The following VPS36 variants were observed in gnomAD, a reference collection of about 807,000 sequenced individuals.
VPS36 encodes the protein vacuolar protein sorting 36 homolog.
A neutral mutation model predicts 63.5 loss-of-function variants in VPS36; 31 were observed. That is an observed-to-expected ratio of 0.49 (90% confidence interval 0.37 to 0.66). The LOEUF (loss-of-function observed/expected upper bound fraction) is 0.66. VPS36 is among the 30% of genes least tolerant of loss of function. The probability of loss-of-function intolerance (pLI) is 0.00; values close to 1 mark genes in which losing one functional copy is unlikely to be tolerated. For missense variants in VPS36, 338 were observed against 463.7 expected, an observed-to-expected ratio of 0.73 and a Z score of 2.49; for synonymous variants, 138 against 157.2, an observed-to-expected ratio of 0.88 and a Z score of 0.91.
At position 52,444,889 on chromosome 13, in the gene VPS36, T is replaced by C. The variant is rs550384624; in HGVS notation, c.97-2444A>G. 1.1e-4 allele frequency among the ~76,000 whole-genome samples: 16 copies of C among 152,294 alleles called. No individual in the cohort carries two copies. The South Asian group carries it at 3.3e-3, about 32-fold the overall frequency. On this transcript the variant is annotated intron_variant, in intron 1 of 13. Transcript: ENST00000378060. ...ACTTCATGTAACTCTGAACTATATA[T>C]AAATCATTTTTTGTTAAATCAAGCA... is the stretch of plus-strand genomic sequence containing the variant.
intron 6 of VPS36, among the ~76,000 whole-genome samples, chr13:52,431,506 T>A (rs1958153797): frequency 1.3e-5 from 2 of 152,124 alleles, no homozygotes; most frequent in Non-Finnish European, 2.9e-5. Context: ...GGCTCATGCC[T>A]GTAATCCTAG....
At chr13:52,439,742 A>G (rs1594122408) in intron 2 of VPS36, among the ~76,000 whole-genome samples, 1 of 152,150 alleles carries the variant, frequency 6.6e-6, no homozygotes, top group East Asian at 1.9e-4. Context: ...CACCGCACCC[A>G]GCCACAATGG....
intron 1 of VPS36, 22 bp downstream of exon 1, chr13:52,450,477 G>A (rs534506363): frequency 6.3e-7 from 1 of 1,582,360 alleles, no homozygotes; most frequent in Non-Finnish European, 8.6e-7. Context: ...CAGCCCGTTG[G>A]GAAGGTTGGC....
At chr13:52,419,275 T>C (rs770675601) in intron 10 of VPS36, among the ~76,000 whole-genome samples, 4 of 152,220 alleles carry the variant, frequency 2.6e-5, no homozygotes, top group African/African-American at 7.2e-5. Context: ...AGCTGAAGAA[T>C]AGCCACTGCT....
At chr13:52,436,798 G>A (rs1226306827) in intron 3 of VPS36, among the ~76,000 whole-genome samples, 2 of 152,166 alleles carry the variant, frequency 1.3e-5, no homozygotes. Context: ...AAAACAAAAT[G>A]TGAAAACTTA....
intron 1 of VPS36, among the ~76,000 whole-genome samples, chr13:52,442,909 G>A (rs1031118562): frequency 4.6e-5 from 7 of 152,130 alleles, no homozygotes; most frequent in Admixed American, 4.6e-4. Flanking sequence ...GTGAGGAAAG[G>A]GGTAGAAGGG....
rs183312115 is a variant in VPS36 at position 52,417,008 on chromosome 13, G to A, written c.990+49C>T. On this transcript the variant is annotated intron_variant, in intron 12 of 13. Coordinates refer to ENST00000378060, the MANE Select transcript of VPS36 (RefSeq NM_016075.4). ...CTGTTTTTTGAGTTGCTAAGCCTTC[G>A]GGTCTTCATAGCAAGCTCTAAAGAC... The A allele has an allele frequency of 4.9e-4, 741 of 1,499,688 alleles. 5 individuals carry two copies. In the African/African-American group the frequency reaches 7.3e-3, roughly 15 times the overall value. 92.9% of individuals were successfully genotyped at this position (1,499,688 alleles called of 1,614,324 possible). A position where few individuals can be genotyped will look rare whatever the true frequency, so the allele number is the denominator to read the frequency against.
chr13:52,440,540 G>A (rs1459401130), intron 2 of VPS36, among the ~76,000 whole-genome samples: 1 of 151,972 alleles, frequency 6.6e-6, no homozygotes, highest in Non-Finnish European at 1.5e-5. Context: ...TGATCCGCCC[G>A]CCTCAGCCTC....
chr13:52,427,273 T>A, intron 6 of VPS36, 54 bp from the exon 7 acceptor site: 2 of 1,580,084 alleles, frequency 1.3e-6, no homozygotes, highest in Non-Finnish European at 1.7e-6. Flanking sequence ...TAAAATGACT[T>A]AAAAAAATGA....
intron 6 of VPS36, 25 bp downstream of exon 6, chr13:52,433,637 T>G (rs747827721): frequency 1.3e-6 from 2 of 1,569,096 alleles, no homozygotes; most frequent in Non-Finnish European, 1.8e-6. Flanking sequence ...CTGGAATAGA[T>G]GGAGAGCCAG....
intron 12 of VPS36, 23 bp downstream of exon 12, chr13:52,417,034 T>C (rs1476585668): frequency 6.2e-7 from 1 of 1,609,622 alleles, no homozygotes; most frequent in South Asian, 1.1e-5. Flanking sequence ...CTCTAAAGAC[T>C]GGAGAAAATC....
chr13:52,424,872 C>A (rs1958083194), intron 9 of VPS36, among the ~76,000 whole-genome samples: 1 of 151,846 alleles, frequency 6.6e-6, no homozygotes, highest in Admixed American at 6.6e-5. Flanking sequence ...CCTGTAATCC[C>A]AGCTACTCAG....
Position 52,442,443 on chromosome 13 carries a change from T to C in VPS36, c.99A>G (p.Ile33Met), listed in dbSNP as rs763285959. The change falls in exon 2 of 14, where the codon ATA (isoleucine) becomes ATG (methionine). Residue 33 changes from isoleucine to methionine, a missense_variant and splice_region_variant. Coordinates refer to ENST00000378060, the MANE Select transcript of VPS36 (RefSeq NM_016075.4). ...GAAGGAGAGTCCCAGCATCAAATTT[T>C]ATCTAGAAAGAAAGAGCATCACAAA... ...GVRIYDGEEK[I>M]KFDAGTLLLS... The C allele has an allele frequency of 6.2e-7, 1 of 1,610,190 alleles. No individual in the cohort carries two copies. The highest frequency in any genetic ancestry group is 8.5e-7 in the Non-Finnish European group (1 of 1,178,754).
Position 52,413,698 on chromosome 13 carries a change from A to G in VPS36, c.*2132T>C, listed in dbSNP as rs1404497462. Reference sequence around the variant, plus strand: ...AGCAAAGTTAGGAAAACAAAAAAATAATAATTATACCAGTGATAAGCACCA... The same window carrying G: ...AGCAAAGTTAGGAAAACAAAAAAATGATAATTATACCAGTGATAAGCACCA... On this transcript the variant is annotated 3_prime_UTR_variant, in exon 14 of 14. Transcript: ENST00000378060. 6.6e-6 allele frequency: 1 copy of G among 152,648 alleles called. No individual in the cohort carries two copies. Among genetic ancestry groups the G allele is most frequent in the Non-Finnish European group, 1.5e-5 (1 of 68,040 alleles). The allele number at this position is 152,648 out of a possible 1,614,324, so 9.5% of individuals were successfully genotyped here.
rs1345101846 is a variant in VPS36, at chr13:52,439,112, A to G, written c.222T>C (p.Ala74=). The G allele has an allele frequency of 3.1e-6, 5 of 1,613,806 alleles. No homozygotes were observed. Among genetic ancestry groups the G allele is most frequent in the African/African-American group, 1.3e-5 (1 of 75,056 alleles). ...CACAGACTTACCTCTTCCCAATTCC[A>G]GCCGCCTGTTCTTCAATGAACACAA... is the stretch of plus-strand genomic sequence containing the variant. ...SQIVFIEEQA[A]GIGKSAKIVV... The change falls in exon 3 of 14, where the codon GCT becomes GCC. Residue 74 remains alanine (A), a synonymous_variant. Transcript: ENST00000378060.
At chr13:52,428,670 G>A (rs948802469) in intron 6 of VPS36, among the ~76,000 whole-genome samples, 1 of 152,014 alleles carries the variant, frequency 6.6e-6, no homozygotes, top group Admixed American at 6.6e-5. Context: ...CACCAACCTA[G>A]TTTTCAAAAA....
intron 1 of VPS36, among the ~76,000 whole-genome samples, chr13:52,448,591 C>T (rs1303591895): frequency 6.6e-6 from 1 of 152,226 alleles, no homozygotes; most frequent in Non-Finnish European, 1.5e-5. Flanking sequence ...AAACCTCTGA[C>T]ATCTATATAC....
At chr13:52,424,510 C>T (rs1015327437) in intron 9 of VPS36, among the ~76,000 whole-genome samples, 2 of 152,022 alleles carry the variant, frequency 1.3e-5, no homozygotes, top group Non-Finnish European at 2.9e-5. Context: ...ATACATAGGA[C>T]CAGAAAAGCA....
At chr13:52,426,648 G>A (rs1444528678) in intron 8 of VPS36, among the ~76,000 whole-genome samples, 2 of 152,196 alleles carry the variant, frequency 1.3e-5, no homozygotes, top group Non-Finnish European at 2.9e-5. Context: ...GAGGTCAGGA[G>A]ATCGAGACCA....
Sources: allele counts gnomAD v4.1 joint callset (sites outside exome capture counted in the v4.1 genomes callset), GRCh38; gene constraint gnomAD v4.1.1; transcripts MANE v1.5; gene names NCBI Gene and HGNC (gene_info 2026-07-23, HGNC 2026-07-21).